The following SRRM3 variants were observed in gnomAD, a reference collection of about 807,000 sequenced individuals.
The protein encoded by SRRM3 is serine/arginine repetitive matrix 3.
In SRRM3, 27 loss-of-function variants were observed where a neutral mutation model predicts 66.2. The ratio of observed to expected loss-of-function variants is 0.41; its 90% CI spans 0.30 to 0.56. SRRM3 has a LOEUF of 0.56. Ranked by LOEUF, SRRM3 falls within the 20% of genes least tolerant of loss-of-function variation. The pLI is 0.32. For synonymous variants in SRRM3, 391 were observed against 414.9 expected (o/e 0.94, Z 0.70); for missense variants, 918 against 991.9 (o/e 0.93, Z 1.00).
At chr7:76,215,057 A>G (rs1231560869) in intron 1 of SRRM3, among the ~76,000 whole-genome samples, 2 of 152,162 alleles carry the variant, frequency 1.3e-5, no homozygotes, top group Admixed American at 6.6e-5. Context: ...AAAAAAAAAA[A>G]AACAGGAAAG....
At chr7:76,213,591 A>C (rs1800489045) in intron 1 of SRRM3, among the ~76,000 whole-genome samples, 1 of 152,110 alleles carries the variant, frequency 6.6e-6, no homozygotes, top group Non-Finnish European at 1.5e-5. Context: ...CAGTGCAAGC[A>C]TGGGGCCTGG....
intron 1 of SRRM3, among the ~76,000 whole-genome samples, chr7:76,215,746 C>G (rs1197774198): frequency 3.4e-5 from 5 of 149,130 alleles, no homozygotes; most frequent in African/African-American, 1.2e-4. Flanking sequence ...CCTGTCTCAG[C>G]CTCCTGAGTG....
chr7:76,266,521 A>ATT (rs1394076533), intron 10 of SRRM3, among the ~76,000 whole-genome samples: 4 of 110,722 alleles, frequency 3.6e-5, no homozygotes, highest in African/African-American at 1.5e-4. Context: ...ATATTTATAT[A>ATT]TTATATATTT....
intron 6 of SRRM3, 88 bp downstream of exon 6, chr7:76,260,991 C>CCT: frequency 7.0e-7 from 1 of 1,425,724 alleles, no homozygotes; most frequent in Non-Finnish European, 9.6e-7. Flanking sequence ...AGGCCGGAGG[C>CCT]CTGGACCCTC....
chr7:76,259,986 T>A lies in SRRM3; in HGVS notation c.416T>A (p.Val139Glu). 1 of 1,598,180 alleles carries A rather than the reference T, an allele frequency of 6.3e-7. No homozygotes were observed. The highest frequency in any genetic ancestry group is 8.5e-7 in the Non-Finnish European group (1 of 1,177,816). ...CCCTTTGACGATGACGACGGCCCAG[T>A]GGACTGTGACTGCCCGGCCTCCTGC... ...YAPFDDDDGP[V>E]DCDCPASCYR... Residue 139 changes from valine to glutamate, a missense_variant, in exon 4 of 15, where the codon GTG becomes GAG. Physicochemically the swap from Val to Glu is moderately radical, Grantham distance 121. Transcript: ENST00000611745.
chr7:76,267,629 C>T lies in SRRM3; in HGVS notation c.1008+194C>T, dbSNP rs1284572890. Reference sequence around the variant, plus strand: ...GCCGGGAGTGCTAGGCCGTTGCGCCCACCTGGCCCTGGTGTCAGGGTGAGG... The same window carrying T: ...GCCGGGAGTGCTAGGCCGTTGCGCCTACCTGGCCCTGGTGTCAGGGTGAGG... On this transcript the variant is annotated intron_variant, in intron 11 of 14. Coordinates refer to ENST00000611745, the MANE Select transcript of SRRM3 (RefSeq NM_001110199.3). 15 of 458,598 alleles carry T rather than the reference C, an allele frequency of 3.3e-5. 1 individual carries two copies. The South Asian group carries it at 8.8e-4, about 27-fold the overall frequency. 28.4% of individuals were successfully genotyped at this position (458,598 alleles called of 1,614,324 possible).
At chr7:76,265,269 A>C in intron 9 of SRRM3, 95 bp from the exon 10 acceptor site, 17 of 806,356 alleles carry the variant, frequency 2.1e-5, no homozygotes, top group Non-Finnish European at 3.1e-5. Flanking sequence ...GTAGGGTTCC[A>C]CTGGGATCCT....
intron 3 of SRRM3, among the ~76,000 whole-genome samples, chr7:76,252,507 A>C (rs1420340284): frequency 2.6e-5 from 4 of 152,088 alleles, no homozygotes; most frequent in African/African-American, 9.7e-5. Flanking sequence ...TTTTTAGTAG[A>C]GATGGGGTTT....
At chr7:76,247,907 C>T (rs782566664) in intron 2 of SRRM3, among the ~76,000 whole-genome samples, 55 of 152,168 alleles carry the variant, frequency 3.6e-4, no homozygotes, top group Non-Finnish European at 6.5e-4. Flanking sequence ...GTTGGCCAGG[C>T]TGGTTTCGCA....
At position 76,213,004 on chromosome 7, in the gene SRRM3, CTTTTT is replaced by C. The variant is rs57266029; in HGVS notation, c.-40+10956_-40+10960del. On this transcript the variant is annotated intron_variant, in intron 1 of 14. Transcript: ENST00000611745. ...CCCTGGCCCACTTTACACCCCATTCCTTTTTTTTTTTTTTTTTTTTTTTGAGACGG... is the reference window on the plus strand; with the variant it reads ...CCCTGGCCCACTTTACACCCCATTCCTTTTTTTTTTTTTTTTTTGAGACGG... 1.6e-4 allele frequency among the ~76,000 whole-genome samples: 11 copies of C among 67,906 alleles called. No homozygotes were observed. In the South Asian group the frequency reaches 2.6e-3, roughly 16 times the overall value. The allele number at this position is 67,906 out of a possible 152,430, so 44.5% of individuals were successfully genotyped here.
At chr7:76,232,811 G>T (rs1300953929) in intron 1 of SRRM3, among the ~76,000 whole-genome samples, 1 of 151,858 alleles carries the variant, frequency 6.6e-6, no homozygotes, top group Non-Finnish European at 1.5e-5. Flanking sequence ...CAAGAGTCAC[G>T]GGAGGCTGCT....
intron 11 of SRRM3, among the ~76,000 whole-genome samples, chr7:76,275,578 A>G (rs1449619262): frequency 1.3e-5 from 2 of 151,896 alleles, no homozygotes; most frequent in Admixed American, 1.3e-4. Flanking sequence ...AAGCCCCATG[A>G]GGAAGAGGAG....
chr7:76,253,689 G>A (rs193012442), intron 3 of SRRM3, among the ~76,000 whole-genome samples: 31 of 150,966 alleles, frequency 2.1e-4, no homozygotes, highest in African/African-American at 7.1e-4. Flanking sequence ...GTTGGCACAG[G>A]CCTGTCATCC....
chr7:76,215,394 GTTTTTTTTTT>G (rs1170079332), intron 1 of SRRM3, among the ~76,000 whole-genome samples: 1 of 95,112 alleles, frequency 1.1e-5, no homozygotes, highest in Non-Finnish European at 2.0e-5. Flanking sequence ...GGAGCCCGCA[GTTTTTTTTTT>G]TTTTTTTTTT....
intron 1 of SRRM3, among the ~76,000 whole-genome samples, chr7:76,234,138 A>G: frequency 6.6e-6 from 1 of 151,708 alleles, no homozygotes; most frequent in Non-Finnish European, 1.5e-5. Flanking sequence ...CCTTGGAGAA[A>G]GGAAATGGAA....
At chr7:76,258,211 CT>C (rs1801761256) in intron 3 of SRRM3, among the ~76,000 whole-genome samples, 4 of 152,100 alleles carry the variant, frequency 2.6e-5, no homozygotes, top group Non-Finnish European at 2.9e-5. Context: ...GGGGGGGCCC[CT>C]GGAGGCTGCA....
At chr7:76,254,153 AC>A (rs1357483158) in intron 3 of SRRM3, among the ~76,000 whole-genome samples, 2 of 150,928 alleles carry the variant, frequency 1.3e-5, no homozygotes, top group African/African-American at 2.4e-5. Context: ...ATGCACCACC[AC>A]ATCCAGCTAA....
In SRRM3 at chr7:76,281,584, CAGGCGGCGGCGGCGGCGGCGT is replaced by C. The variant is rs1325837019; in HGVS notation, c.1164_1184del (p.Arg389_Arg395del). On this transcript the variant is annotated inframe_deletion, in exon 12 of 15. Coordinates refer to ENST00000611745, the MANE Select transcript of SRRM3 (RefSeq NM_001110199.3). ...GAGGCCGCGCGGCGGGCGGGGCGGG[CAGGCGGCGGCGGCGGCGGCGT>C]AGGCGGCGGCGCTCGCGGTCCTCGG... 5.1e-6 allele frequency: 5 copies of C among 982,236 alleles called. No individual in the cohort carries two copies. Among genetic ancestry groups the C allele is most frequent in the African/African-American group, 1.8e-5 (1 of 56,640 alleles). 60.8% of individuals were successfully genotyped at this position (982,236 alleles called of 1,614,324 possible). A position where few individuals can be genotyped will look rare whatever the true frequency, so the allele number is the denominator to read the frequency against.
intron 10 of SRRM3, 132 bp from the exon 11 acceptor site, chr7:76,267,126 A>G: frequency 1.2e-6 from 1 of 854,462 alleles, no homozygotes; most frequent in Non-Finnish European, 1.6e-6. Flanking sequence ...AAAGGTTCCC[A>G]GCATGGTGAA....
Sources: allele counts gnomAD v4.1 joint callset (sites outside exome capture counted in the v4.1 genomes callset), GRCh38; gene constraint gnomAD v4.1.1; transcripts MANE v1.5; gene names NCBI Gene and HGNC (gene_info 2026-07-23, HGNC 2026-07-21).